HSF2BP: variants seen among roughly 807,000 people sequenced by gnomAD.
HSF2BP encodes the protein heat shock factor 2-binding protein.
In HSF2BP, 35 loss-of-function variants were observed where a neutral mutation model predicts 35.0. The observed-to-expected ratio is 1.00, with a 90% confidence interval of 0.76 to 1.32. HSF2BP has a LOEUF of 1.32. Ranked by LOEUF, HSF2BP falls within the 40% of genes most tolerant of loss-of-function variation. HSF2BP has a pLI of 0.00. For missense variants in HSF2BP, 326 were observed against 321.7 expected (o/e 1.01, Z -0.10); for synonymous variants, 114 against 117.4 (o/e 0.97, Z 0.18).
chr21:43,596,516 T>C (rs2081989281), intron 7 of HSF2BP, among the ~76,000 whole-genome samples: 1 of 151,616 alleles, frequency 6.6e-6, no homozygotes, highest in Non-Finnish European at 1.5e-5. Context: ...GAACAAAATA[T>C]AGGAACCATT....
chr21:43,608,797 T>C (rs915173020), intron 7 of HSF2BP, among the ~76,000 whole-genome samples: 4 of 150,660 alleles, frequency 2.7e-5, no homozygotes, highest in Non-Finnish European at 5.9e-5. Context: ...CCCCTATCGC[T>C]ACCAAAAAAA....
At chr21:43,627,035 T>C (rs73367835) in intron 6 of HSF2BP, among the ~76,000 whole-genome samples, 1,664 of 152,164 alleles carry the variant, frequency 0.011, 32 homozygotes, top group African/African-American at 0.037. Flanking sequence ...GCCTGGCTAA[T>C]TTTTTTGTAT....
intron 4 of HSF2BP, among the ~76,000 whole-genome samples, chr21:43,636,465 G>A (rs979098095): frequency 2.0e-5 from 3 of 152,024 alleles, no homozygotes; most frequent in Admixed American, 2.0e-4. Flanking sequence ...AAAGTAAAAA[G>A]ACACGCCACA....
At chr21:43,585,435 T>C (rs902250204) in intron 8 of HSF2BP, among the ~76,000 whole-genome samples, 1 of 152,162 alleles carries the variant, frequency 6.6e-6, no homozygotes, top group Non-Finnish European at 1.5e-5. Flanking sequence ...GGATGGAACA[T>C]AGGGAGACCT....
intron 4 of HSF2BP, among the ~76,000 whole-genome samples, chr21:43,641,154 G>C (rs9976443): frequency 0.59 from 89,172 of 151,930 alleles, 26,562 homozygotes; most frequent in East Asian, 0.79. Context: ...CACCACGCCT[G>C]GCTAATTTTT....
chr21:43,637,613 C>A (rs1038403725), intron 4 of HSF2BP, among the ~76,000 whole-genome samples: 7 of 151,600 alleles, frequency 4.6e-5, no homozygotes, highest in African/African-American at 1.7e-4. Flanking sequence ...TGGAGACCAG[C>A]CTTGGCAACA....
chr21:43,649,188 G>T (rs2147103122), intron 3 of HSF2BP, among the ~76,000 whole-genome samples: 1 of 152,134 alleles, frequency 6.6e-6, no homozygotes. Context: ...CCAAGTAGTT[G>T]GGATTACAGG....
chr21:43,632,190 CAT>C (rs1213035658), intron 5 of HSF2BP, among the ~76,000 whole-genome samples: 12 of 133,502 alleles, frequency 9.0e-5, no homozygotes, highest in African/African-American at 3.3e-4. Context: ...CACACACACA[CAT>C]GCTCCCCCAC....
At chr21:43,650,701 GC>G (rs2082772617) in intron 3 of HSF2BP, among the ~76,000 whole-genome samples, 1 of 131,566 alleles carries the variant, frequency 7.6e-6, no homozygotes, top group East Asian at 2.4e-4. Flanking sequence ...TTTCAGGCTT[GC>G]TTTTTTTTTT....
At chr21:43,601,163 G>C (rs1601646088) in intron 7 of HSF2BP, among the ~76,000 whole-genome samples, 1 of 152,164 alleles carries the variant, frequency 6.6e-6, no homozygotes, top group Non-Finnish European at 1.5e-5. Flanking sequence ...TACACATGCA[G>C]ACGGGGACTC....
intron 6 of HSF2BP, among the ~76,000 whole-genome samples, chr21:43,626,381 GA>G (rs2082389803): frequency 1.3e-5 from 2 of 152,114 alleles, no homozygotes; most frequent in African/African-American, 4.8e-5. Flanking sequence ...AAAAAAGTCT[GA>G]AATTAAATAA....
intron 8 of HSF2BP, among the ~76,000 whole-genome samples, chr21:43,585,506 C>T (rs1433932456): frequency 1.3e-5 from 2 of 151,728 alleles, no homozygotes; most frequent in East Asian, 1.9e-4. Context: ...ATTAGCTGGG[C>T]GTGGTGATGG....
At chr21:43,575,088 T>C (rs1256580380) in intron 8 of HSF2BP, among the ~76,000 whole-genome samples, 1 of 152,236 alleles carries the variant, frequency 6.6e-6, no homozygotes, top group Non-Finnish European at 1.5e-5. Flanking sequence ...GGCAGCTCCT[T>C]CATGTCTTAT....
intron 6 of HSF2BP, among the ~76,000 whole-genome samples, chr21:43,624,107 A>G (rs2146967993): frequency 6.6e-6 from 1 of 152,364 alleles, no homozygotes; most frequent in South Asian, 2.1e-4. Flanking sequence ...AAACAGAGTT[A>G]CTACACCCTG....
chr21:43,652,107 C>T (rs1280812366), intron 3 of HSF2BP, among the ~76,000 whole-genome samples: 4 of 152,086 alleles, frequency 2.6e-5, no homozygotes, highest in African/African-American at 7.2e-5. Context: ...TGCCTTTAGT[C>T]ACTGCTTAAG....
intron 8 of HSF2BP, among the ~76,000 whole-genome samples, chr21:43,588,134 C>T (rs1302862344): frequency 2.0e-5 from 3 of 152,132 alleles, no homozygotes; most frequent in Non-Finnish European, 4.4e-5. Context: ...TCCCGGCACT[C>T]CGAGAGGCCG....
intron 2 of HSF2BP, 87 bp downstream of exon 2, chr21:43,657,974 G>A (rs1194254746): frequency 3.9e-6 from 6 of 1,527,600 alleles, no homozygotes; most frequent in East Asian, 2.5e-5. Flanking sequence ...ACAGCGAGCC[G>A]TCTCCGAGCG....
chr21:43,641,834 G>A (rs2082640276), intron 4 of HSF2BP, among the ~76,000 whole-genome samples: 1 of 151,436 alleles, frequency 6.6e-6, no homozygotes, highest in Non-Finnish European at 1.5e-5. Flanking sequence ...TGTAATCCCA[G>A]GTATCCAGGA....
chr21:43,627,957 T>C (rs762168937), intron 6 of HSF2BP, among the ~76,000 whole-genome samples: 2 of 152,180 alleles, frequency 1.3e-5, no homozygotes, highest in Non-Finnish European at 2.9e-5. Context: ...ACCACTGTAA[T>C]TGTTTTAGGG....
Sources: gnomAD v4.1 joint callset for allele counts (sites outside exome capture counted in the v4.1 genomes callset) on GRCh38, gnomAD v4.1.1 for gene constraint, MANE v1.5 for transcripts, NCBI Gene and HGNC (gene_info 2026-07-23, HGNC 2026-07-21) for gene names.